PUDP: variants seen among roughly 807,000 people sequenced by gnomAD.
PUDP encodes pseudouridine 5'-phosphatase.
PUDP carries 8 observed loss-of-function variants against 9.4 expected under a neutral mutation model. That is an observed-to-expected ratio of 0.85 (90% CI 0.50 to 1.53). The LOEUF is 1.53. Among genes scored for constraint, PUDP ranks in the 40% most tolerant of loss-of-function variants. The probability of loss-of-function intolerance (pLI) is 0.00; values close to 1 mark genes in which losing one functional copy is unlikely to be tolerated. For missense variants in PUDP, 188 were observed against 189.7 expected (o/e 0.99, Z 0.05); for synonymous variants, 99 against 80.7 (o/e 1.23, Z -1.22).
intron 3 of PUDP, among the ~76,000 whole-genome samples, chrX:6,750,873 C>G (rs73627090): frequency 0.011 from 1,246 of 111,631 alleles, 14 homozygotes; most frequent in African/African-American, 0.038. Context: ...GGCTTGGTGG[C>G]TCACACCTCC....
At chrX:7,124,346 A>G (rs947482901) in intron 1 of PUDP, among the ~76,000 whole-genome samples, 2 of 112,121 alleles carry the variant, frequency 1.8e-5, no homozygotes, top group African/African-American at 3.2e-5. Context: ...ATAAAAATGG[A>G]AACACAACAT....
intron 1 of PUDP, among the ~76,000 whole-genome samples, chrX:6,992,269 C>CTT (rs750888246): frequency 0.18 from 11,433 of 62,567 alleles, 1,172 homozygotes; most frequent in Admixed American, 0.29. Context: ...TTCAGGGTGT[C>CTT]TTTTTTTTTT....
chrX:6,714,542 T>C (rs1303402067), intron 1 of PUDP, among the ~76,000 whole-genome samples: 1 of 106,412 alleles, frequency 9.4e-6, no homozygotes, highest in Non-Finnish European at 2.0e-5. Context: ...TGATAGATGA[T>C]ATATAGATAT....
chrX:6,812,428 C>T (rs1480833304), intron 3 of PUDP, among the ~76,000 whole-genome samples: 3 of 111,836 alleles, frequency 2.7e-5, no homozygotes, highest in Admixed American at 9.5e-5. Context: ...TGCAAATTAC[C>T]TTCCCCAAGA....
intron 3 of PUDP, among the ~76,000 whole-genome samples, chrX:6,877,971 C>T (rs762816467): frequency 8.9e-6 from 1 of 112,005 alleles, no homozygotes; most frequent in Non-Finnish European, 1.9e-5. Context: ...AGAACACAAC[C>T]TTCTCCAGTT....
intron 1 of PUDP, among the ~76,000 whole-genome samples, chrX:7,115,514 A>C (rs1286746499): frequency 8.9e-6 from 1 of 112,523 alleles, no homozygotes; most frequent in East Asian, 2.8e-4. Context: ...GTAGCACAGC[A>C]ATCCTAAAAA....
intron 3 of PUDP, among the ~76,000 whole-genome samples, chrX:6,809,665 A>G (rs1602628894): frequency 9.0e-6 from 1 of 111,297 alleles, no homozygotes; most frequent in East Asian, 2.8e-4. Context: ...TTAATGTATC[A>G]TAGAACCTAC....
intron 3 of PUDP, among the ~76,000 whole-genome samples, chrX:6,757,086 C>G (rs1925177334): frequency 8.9e-6 from 1 of 111,906 alleles, no homozygotes; most frequent in African/African-American, 3.3e-5. Context: ...GTGAGAATGC[C>G]TTGAGCAAAG....
intron 1 of PUDP, among the ~76,000 whole-genome samples, chrX:7,021,114 T>A (rs1378161494): frequency 2.7e-5 from 3 of 112,499 alleles, no homozygotes; most frequent in Non-Finnish European, 5.6e-5. Flanking sequence ...GCTCTCAGGG[T>A]CTTTTTATTG....
intron 3 of PUDP, 144 bp from the exon 4 acceptor site, chrX:7,050,616 T>C: frequency 1.8e-6 from 1 of 552,742 alleles, no homozygotes. Context: ...GTAGAGATTG[T>C]GGTGAGGACA....
At chrX:7,031,636 T>A (rs182152115) in intron 1 of PUDP, among the ~76,000 whole-genome samples, 1 of 112,310 alleles carries the variant, frequency 8.9e-6, no homozygotes, top group Admixed American at 9.4e-5. Context: ...ACAAACAAAC[T>A]GCCACTTACG....
At chrX:7,130,420 G>A (rs759296965) in intron 1 of PUDP, among the ~76,000 whole-genome samples, 1 of 110,604 alleles carries the variant, frequency 9.0e-6, no homozygotes, top group South Asian at 3.9e-4. Context: ...AAAACATGGT[G>A]GGCATATGGC....
At chrX:6,991,736 T>C (rs55738062) in intron 1 of PUDP, among the ~76,000 whole-genome samples, 53 of 108,169 alleles carry the variant, frequency 4.9e-4, no homozygotes, top group African/African-American at 1.7e-3. Context: ...ACCTGCTAAG[T>C]CCCATTATTT....
chrX:6,867,522 TTGGTGA>T (rs1161268704), intron 3 of PUDP, among the ~76,000 whole-genome samples: 2 of 109,588 alleles, frequency 1.8e-5, no homozygotes, highest in Non-Finnish European at 3.8e-5. Context: ...TGGTTTGGTG[TTGGTGA>T]TGGTGATGAC....
intron 2 of PUDP, among the ~76,000 whole-genome samples, chrX:7,078,872 G>C (rs1997185): frequency 0.34 from 37,294 of 110,386 alleles, 4,831 homozygotes; most frequent in Middle Eastern, 0.46. Flanking sequence ...AGAATTCATA[G>C]TGTCTAACAT....
At chrX:6,957,677 G>A (rs868585509) in intron 3 of PUDP, among the ~76,000 whole-genome samples, 19 of 112,355 alleles carry the variant, frequency 1.7e-4, no homozygotes, top group East Asian at 1.4e-3. Context: ...GCAGTGGCTC[G>A]GGAACTAGGT....
intron 3 of PUDP, among the ~76,000 whole-genome samples, chrX:6,733,626 G>A (rs992421576): frequency 9.1e-6 from 1 of 110,030 alleles, no homozygotes; most frequent in Non-Finnish European, 1.9e-5. Context: ...GGTCCATAGC[G>A]GCTCAGACCA....
intron 3 of PUDP, among the ~76,000 whole-genome samples, chrX:6,739,078 A>AC (rs1924906529): frequency 9.0e-6 from 1 of 111,597 alleles, no homozygotes; most frequent in South Asian, 3.8e-4. Flanking sequence ...TGATGAGAAC[A>AC]ACTATTTGCA....
At chrX:7,118,600 GA>G (rs1932259379) in intron 1 of PUDP, among the ~76,000 whole-genome samples, 1 of 111,943 alleles carries the variant, frequency 8.9e-6, no homozygotes, top group Admixed American at 9.5e-5. Flanking sequence ...GTAATGCTAT[GA>G]ACTAGAATCC....
Sources: allele counts gnomAD v4.1 joint callset (sites outside exome capture counted in the v4.1 genomes callset), GRCh38; gene constraint gnomAD v4.1.1; transcripts MANE v1.5; gene names NCBI Gene and HGNC (gene_info 2026-07-23, HGNC 2026-07-21).